The following DAB2IP variants were observed in gnomAD, a reference collection of about 807,000 sequenced individuals.
DAB2IP encodes the protein disabled homolog 2-interacting protein.
Under a neutral mutation model 107.2 loss-of-function variants are expected in DAB2IP, and 28 were observed. The observed-to-expected ratio is 0.26, with a 90% CI of 0.19 to 0.36. The LOEUF (loss-of-function observed/expected upper bound fraction) is 0.36. Among genes scored for constraint, DAB2IP ranks in the 10% least tolerant of loss-of-function variants. The probability of loss-of-function intolerance (pLI) is 1.00; values close to 1 mark genes in which losing one functional copy is unlikely to be tolerated. For missense variants in DAB2IP, 1,400 were observed against 1,644.7 expected (o/e 0.85, Z 2.57); for synonymous variants, 755 against 706.4 (o/e 1.07, Z -1.09).
intron 1 of DAB2IP, among the ~76,000 whole-genome samples, chr9:121,596,652 A>C (rs1269818733): frequency 6.6e-6 from 1 of 150,916 alleles, no homozygotes; most frequent in African/African-American, 2.5e-5. Context: ...AATTTTGCTG[A>C]CTACCCCACA....
chr9:121,747,132 T>C (rs939547798), intron 3 of DAB2IP, among the ~76,000 whole-genome samples: 2 of 151,894 alleles, frequency 1.3e-5, no homozygotes, highest in East Asian at 1.9e-4. Context: ...TGCAGGGAGG[T>C]TGGGCTCTTT....
intron 2 of DAB2IP, among the ~76,000 whole-genome samples, chr9:121,695,199 A>G (rs776629600): frequency 1.3e-5 from 2 of 152,058 alleles, no homozygotes; most frequent in Non-Finnish European, 2.9e-5. Flanking sequence ...CTGCGGCTCC[A>G]GAATCATTTT....
At chr9:121,740,707 G>A (rs1832276882) in intron 3 of DAB2IP, among the ~76,000 whole-genome samples, 1 of 152,218 alleles carries the variant, frequency 6.6e-6, no homozygotes, top group Non-Finnish European at 1.5e-5. Flanking sequence ...CATAATGTCT[G>A]CTAGACGCCT....
At chr9:121,743,105 C>T (rs538746291) in intron 3 of DAB2IP, among the ~76,000 whole-genome samples, 22 of 152,298 alleles carry the variant, frequency 1.4e-4, no homozygotes, top group Non-Finnish European at 2.5e-4. Context: ...TTGCAGCTGA[C>T]TTGCATGAAG....
chr9:121,666,888 AC>A (rs1833458230), intron 1 of DAB2IP, among the ~76,000 whole-genome samples: 1 of 148,856 alleles, frequency 6.7e-6, no homozygotes, highest in Admixed American at 6.7e-5. Context: ...ACACACACAC[AC>A]ACACACACAC....
intron 3 of DAB2IP, among the ~76,000 whole-genome samples, chr9:121,746,663 G>A (rs1832743433): frequency 6.6e-6 from 1 of 152,238 alleles, no homozygotes; most frequent in Non-Finnish European, 1.5e-5. Flanking sequence ...GCATTCTAGG[G>A]GGGGCCCAGC....
At chr9:121,771,815 C>T (rs1207672220) in intron 11 of DAB2IP, among the ~76,000 whole-genome samples, 1 of 152,186 alleles carries the variant, frequency 6.6e-6, no homozygotes, top group Admixed American at 6.5e-5. Flanking sequence ...GAGGCTAAGC[C>T]AACCCATTCC....
intron 1 of DAB2IP, among the ~76,000 whole-genome samples, chr9:121,641,992 C>CTCTCTCTCTCTCTCTCT (rs1346700067): frequency 3.4e-5 from 1 of 29,328 alleles, no homozygotes; most frequent in Non-Finnish European, 5.6e-5. Flanking sequence ...TTCTTTCTTT[C>CTCTCTCTCTCTCTCTCT]CTTTCTCTCT....
At chr9:121,572,503 C>T (rs1239261357) in intron 1 of DAB2IP, among the ~76,000 whole-genome samples, 1 of 152,182 alleles carries the variant, frequency 6.6e-6, no homozygotes, top group Admixed American at 6.5e-5. Context: ...CCTTAGGCAT[C>T]CTCCCCGACT....
intron 3 of DAB2IP, among the ~76,000 whole-genome samples, chr9:121,718,429 A>C (rs1016997981): frequency 1.3e-5 from 2 of 152,152 alleles, no homozygotes; most frequent in Non-Finnish European, 2.9e-5. Context: ...TTCAAGATCT[A>C]TCTGCAGGGA....
upstream of DAB2IP, among the ~76,000 whole-genome samples, chr9:121,650,334 C>T (rs1434571701): frequency 1.3e-5 from 2 of 152,210 alleles, no homozygotes; most frequent in Admixed American, 1.3e-4. Context: ...GTGAGACAGG[C>T]TCCGCAGGAC....
Position 121,760,806 on chromosome 9 carries a change from G to A in DAB2IP, c.1170+367G>A, listed in dbSNP as rs79814973. 1.3e-5 allele frequency among the ~76,000 whole-genome samples: 2 copies of A among 152,090 alleles called. No individual in the cohort carries two copies. Among genetic ancestry groups the A allele is most frequent in the African/African-American group, 4.8e-5 (2 of 41,370 alleles). On this transcript the variant is annotated intron_variant, in intron 6 of 15. Transcript: ENST00000408936. The surrounding 1 kb of genome is among the most constrained non-coding windows in gnomAD (Gnocchi z 5.9). The stretch of plus-strand genomic sequence containing the variant: ...CACAGGTCCCACAACGCCACCAGCC[G>A]CAGTGAGCCAAACACACGTCCCCTG...
chr9:121,661,595 G>GA (rs1833206391), intron 1 of DAB2IP, among the ~76,000 whole-genome samples: 1 of 152,106 alleles, frequency 6.6e-6, no homozygotes, highest in Non-Finnish European at 1.5e-5. Flanking sequence ...TTCTGGAAGA[G>GA]GCTCTCTTCC....
At chr9:121,653,453 G>A (rs1832844713) in intron 1 of DAB2IP, among the ~76,000 whole-genome samples, 1 of 152,116 alleles carries the variant, frequency 6.6e-6, no homozygotes, top group Non-Finnish European at 1.5e-5. Context: ...CTGGGCTCAA[G>A]CTTTGTGACT....
At chr9:121,758,279 G>C (rs969189787) in intron 4 of DAB2IP, among the ~76,000 whole-genome samples, 2 of 152,180 alleles carry the variant, frequency 1.3e-5, no homozygotes, top group Non-Finnish European at 2.9e-5. Flanking sequence ...TTGAGTGAGA[G>C]TCAGACAGAG....
chr9:121,653,842 T>C (rs1249429093), intron 1 of DAB2IP, among the ~76,000 whole-genome samples: 1 of 152,184 alleles, frequency 6.6e-6, no homozygotes, highest in African/African-American at 2.4e-5. Flanking sequence ...TCACTGCTTG[T>C]GTCCCAGCTT....
intron 3 of DAB2IP, among the ~76,000 whole-genome samples, chr9:121,712,894 G>A (rs1830405434): frequency 6.6e-6 from 1 of 152,198 alleles, no homozygotes; most frequent in Non-Finnish European, 1.5e-5. Context: ...GTGTGTCTGA[G>A]CCCCTGGGAG....
chr9:121,654,040 C>T (rs1188160920), intron 1 of DAB2IP, among the ~76,000 whole-genome samples: 1 of 152,206 alleles, frequency 6.6e-6, no homozygotes, highest in Non-Finnish European at 1.5e-5. Context: ...GTGCACACAA[C>T]TATTCTACAG....
chr9:121,704,914 C>A (rs1447289068), intron 3 of DAB2IP, among the ~76,000 whole-genome samples: 1 of 152,202 alleles, frequency 6.6e-6, no homozygotes, highest in Non-Finnish European at 1.5e-5. Flanking sequence ...GGAACCAGAT[C>A]CCCTCTCAAC....
Sources: gnomAD v4.1 joint callset for allele counts (sites outside exome capture counted in the v4.1 genomes callset) on GRCh38, gnomAD v4.1.1 for gene constraint, Gnocchi (gnomAD v3.1) non-coding constraint, MANE v1.5 for transcripts, NCBI Gene and HGNC (gene_info 2026-07-23, HGNC 2026-07-21) for gene names.